Variants in STAU2 observed in about 807,000 individuals in gnomAD.
STAU2 encodes the protein double-stranded RNA-binding protein Staufen homolog 2.
Under a neutral mutation model 65.9 loss-of-function variants are expected in STAU2, and 20 were observed. The observed-to-expected ratio is 0.30, with a 90% CI of 0.21 to 0.44. The LOEUF (loss-of-function observed/expected upper bound fraction) is 0.44, where lower values mean the gene tolerates loss of function less well. Among genes scored for constraint, STAU2 ranks in the 20% least tolerant of loss-of-function variants. The pLI, the probability that STAU2 is intolerant of heterozygous loss-of-function variation, is 1.00. For missense variants in STAU2, 558 were observed against 683.9 expected (o/e 0.82, Z 2.05); for synonymous variants, 232 against 233.9 (o/e 0.99, Z 0.07).
chr8:73,715,037 C>T (rs1410759607), intron 3 of STAU2, among the ~76,000 whole-genome samples: 1 of 149,224 alleles, frequency 6.7e-6, no homozygotes, highest in Non-Finnish European at 1.5e-5. Flanking sequence ...GAACCAAGAT[C>T]GCACCACTGC....
chr8:73,718,535 T>C (rs1311650861), intron 3 of STAU2, among the ~76,000 whole-genome samples: 2 of 152,220 alleles, frequency 1.3e-5, no homozygotes, highest in African/African-American at 2.4e-5. Context: ...GCTGGGTATA[T>C]ACATGTGCAC....
intron 13 of STAU2, chr8:73,550,757 C>T (rs1243366290): frequency 1.0e-6 from 1 of 987,196 alleles, no homozygotes; most frequent in Non-Finnish European, 1.2e-6. Flanking sequence ...GAGCCGATAA[C>T]TGGTAACAGC....
intron 13 of STAU2, among the ~76,000 whole-genome samples, chr8:73,529,592 TA>T (rs1309661922): frequency 6.6e-6 from 1 of 152,094 alleles, no homozygotes; most frequent in Non-Finnish European, 1.5e-5. Flanking sequence ...GTCAAAAAAA[TA>T]AACTTTAAAC....
intron 9 of STAU2, among the ~76,000 whole-genome samples, chr8:73,611,965 G>A (rs1812505025): frequency 6.6e-6 from 1 of 152,168 alleles, no homozygotes; most frequent in African/African-American, 2.4e-5. Flanking sequence ...TTACAGGCAT[G>A]AGCCACCGTG....
At chr8:73,692,797 A>C (rs1819419771) in intron 4 of STAU2, among the ~76,000 whole-genome samples, 1 of 152,204 alleles carries the variant, frequency 6.6e-6, no homozygotes, top group African/African-American at 2.4e-5. Flanking sequence ...TAGGACATCC[A>C]GTCAATGTAT....
intron 12 of STAU2, among the ~76,000 whole-genome samples, chr8:73,581,647 T>C (rs1384495501): frequency 6.6e-6 from 1 of 152,226 alleles, no homozygotes; most frequent in Non-Finnish European, 1.5e-5. Context: ...TTCCATTTTT[T>C]CCTTGGGCTA....
At chr8:73,599,266 T>A (rs1208622704) in intron 10 of STAU2, among the ~76,000 whole-genome samples, 1 of 152,016 alleles carries the variant, frequency 6.6e-6, no homozygotes, top group Non-Finnish European at 1.5e-5. Context: ...AAAGAAAAAA[T>A]TTAAATTTGA....
At chr8:73,599,627 A>G (rs1473382955) in intron 10 of STAU2, among the ~76,000 whole-genome samples, 1 of 152,184 alleles carries the variant, frequency 6.6e-6, no homozygotes, top group Non-Finnish European at 1.5e-5. Context: ...TTTTTTGTCT[A>G]TTGTGTAAAA....
intron 4 of STAU2, among the ~76,000 whole-genome samples, chr8:73,694,672 TTAACTTCA>T (rs2130563891): frequency 6.6e-6 from 1 of 152,266 alleles, no homozygotes; most frequent in South Asian, 2.1e-4. Flanking sequence ...GTGTCTGGCT[TTAACTTCA>T]TATTGCCAAA....
chr8:73,529,734 T>C lies in STAU2; in HGVS notation c.1530+22278A>G, dbSNP rs143951945. ...CTTACAGACATTCAATATTAGTGTG[T>C]TTACATATATAACTCATATATGAAA... On this transcript the variant is annotated intron_variant, in intron 13 of 14. Coordinates refer to ENST00000524300, the MANE Select transcript of STAU2 (RefSeq NM_001164380.2). Among the ~76,000 whole-genome samples, 945 of 152,296 alleles carry C rather than the reference T, an allele frequency of 6.2e-3. 6 individuals carry two copies. Among genetic ancestry groups the C allele is most frequent in the Non-Finnish European group, 0.01 (712 of 68,026 alleles).
chr8:73,631,639 T>C (rs961694758), intron 6 of STAU2, among the ~76,000 whole-genome samples: 1 of 152,154 alleles, frequency 6.6e-6, no homozygotes, highest in Non-Finnish European at 1.5e-5. Context: ...TGTCAGTCAA[T>C]TACAGTACAG....
intron 13 of STAU2, among the ~76,000 whole-genome samples, chr8:73,431,660 G>A (rs540663369): frequency 7.6e-4 from 116 of 152,228 alleles, no homozygotes; most frequent in African/African-American, 2.5e-3. Context: ...TTCATGTATC[G>A]CTTGTTTTGT....
chr8:73,544,882 C>G (rs768138516), intron 13 of STAU2, among the ~76,000 whole-genome samples: 3 of 152,164 alleles, frequency 2.0e-5, no homozygotes, highest in Non-Finnish European at 4.4e-5. Flanking sequence ...CGTGGGTTAT[C>G]TTCTTCTGCA....
At chr8:73,743,562 C>T (rs184572188) in intron 1 of STAU2, among the ~76,000 whole-genome samples, 2 of 150,362 alleles carry the variant, frequency 1.3e-5, no homozygotes, top group Admixed American at 6.7e-5. Context: ...CAAGATCCGC[C>T]TCCTGGTTTC....
chr8:73,431,998 A>G (rs1370757723), intron 13 of STAU2, among the ~76,000 whole-genome samples: 1 of 152,166 alleles, frequency 6.6e-6, no homozygotes, highest in East Asian at 1.9e-4. Flanking sequence ...TTCTTTGTGG[A>G]GTCTTTGAGC....
At chr8:73,746,108 ACAG>A (rs1807254910) in intron 1 of STAU2, among the ~76,000 whole-genome samples, 2 of 152,224 alleles carry the variant, frequency 1.3e-5, no homozygotes, top group South Asian at 4.1e-4. Flanking sequence ...CGTAACAGCC[ACAG>A]CAGAACTTGC....
At chr8:73,442,367 A>G (rs976548591) in intron 13 of STAU2, among the ~76,000 whole-genome samples, 93 of 152,038 alleles carry the variant, frequency 6.1e-4, no homozygotes, top group Non-Finnish European at 1.0e-3. Context: ...AAAAAAAAAA[A>G]AAAAAAAATT....
At chr8:73,693,891 A>T (rs769459109) in intron 4 of STAU2, among the ~76,000 whole-genome samples, 1 of 152,234 alleles carries the variant, frequency 6.6e-6, no homozygotes, top group Non-Finnish European at 1.5e-5. Context: ...TGGTGTAAAC[A>T]CCCCCACTTG....
At chr8:73,650,771 T>G (rs1815799245) in intron 6 of STAU2, among the ~76,000 whole-genome samples, 1 of 152,114 alleles carries the variant, frequency 6.6e-6, no homozygotes, top group East Asian at 1.9e-4. Context: ...TTCCATCAAA[T>G]TAGTGAACAG....
Sources: gnomAD v4.1 joint callset for allele counts (sites outside exome capture counted in the v4.1 genomes callset) on GRCh38, gnomAD v4.1.1 for gene constraint, MANE v1.5 for transcripts, NCBI Gene and HGNC (gene_info 2026-07-23, HGNC 2026-07-21) for gene names.